Variants in HSDL2 observed in about 807,000 individuals in gnomAD.
HSDL2 encodes hydroxysteroid dehydrogenase like 2, also known as hydroxysteroid dehydrogenase-like protein 2.
A neutral mutation model predicts 46.3 loss-of-function variants in HSDL2; 27 were observed. The ratio of observed to expected loss-of-function variants is 0.58; its 90% CI spans 0.43 to 0.80. HSDL2 has a LOEUF of 0.80. HSDL2 is among the 30% of genes least tolerant of loss of function. The pLI is 0.00. For synonymous variants in HSDL2, 153 were observed against 163.6 expected (o/e 0.94, Z 0.50); for missense variants, 451 against 502.7 (o/e 0.90, Z 0.98).
rs747910175 is a variant in HSDL2, at chr9:112,380,155, A to G, written c.-9A>G. The G allele has an allele frequency of 1.3e-6, 2 of 1,570,920 alleles. No individual in the cohort carries two copies. The highest frequency in any genetic ancestry group is 1.8e-5 in the Admixed American group (1 of 54,324). On this transcript the variant is annotated 5_prime_UTR_variant, in exon 1 of 11. Transcript: ENST00000398805. The stretch of plus-strand genomic sequence containing the variant: ...CTGTCGCCGCCACCTCCTCTGATCT[A>G]CGAAAGTCATGTTACCCAACACCGG...
intron 7 of HSDL2, among the ~76,000 whole-genome samples, chr9:112,441,129 G>C (rs1350930314): frequency 6.6e-6 from 1 of 152,168 alleles, no homozygotes; most frequent in Non-Finnish European, 1.5e-5. Flanking sequence ...GAGCCCAGGA[G>C]GTGGAGGTTG....
At chr9:112,444,257 T>A (rs1280817975) in intron 8 of HSDL2, among the ~76,000 whole-genome samples, 1 of 152,244 alleles carries the variant, frequency 6.6e-6, no homozygotes, top group Non-Finnish European at 1.5e-5. Context: ...GAACCATGTG[T>A]ATCCCTTGTT....
intron 6 of HSDL2, among the ~76,000 whole-genome samples, chr9:112,431,515 A>G (rs1026949263): frequency 6.6e-6 from 1 of 152,158 alleles, no homozygotes; most frequent in Middle Eastern, 3.2e-3. Flanking sequence ...TGTTGTCTCC[A>G]CCCAAATCTC....
At chr9:112,440,381 G>A (rs982895743) in intron 7 of HSDL2, among the ~76,000 whole-genome samples, 3 of 150,922 alleles carry the variant, frequency 2.0e-5, no homozygotes, top group Non-Finnish European at 4.4e-5. Context: ...ACCAGCCTGG[G>A]CAAAACAGCA....
intron 6 of HSDL2, among the ~76,000 whole-genome samples, chr9:112,424,420 G>T (rs1250078168): frequency 6.6e-6 from 1 of 151,498 alleles, no homozygotes; most frequent in Non-Finnish European, 1.5e-5. Context: ...AAACTTTCTT[G>T]TTGAGTCTAA....
Position 112,472,025 on chromosome 9 carries a change from A to G in HSDL2, c.*1481A>G, listed in dbSNP as rs758323526. The stretch of plus-strand genomic sequence containing the variant: ...CAAGCCCTCTAACAAAAACTTTACA[A>G]TACATTTATGTTGAATGGAACTCCA... On this transcript the variant is annotated 3_prime_UTR_variant, in exon 11 of 11. Coordinates refer to ENST00000398805, the MANE Select transcript of HSDL2 (RefSeq NM_032303.5). 7 of 152,198 alleles carry G rather than the reference A, an allele frequency of 4.6e-5. No homozygotes were observed. The highest frequency in any genetic ancestry group is 1.0e-4 in the Non-Finnish European group (7 of 68,044). The allele number at this position is 152,198 out of a possible 1,614,324, so 9.4% of individuals were successfully genotyped here. A position where few individuals can be genotyped will look rare whatever the true frequency, so the allele number is the denominator to read the frequency against.
intron 1 of HSDL2, among the ~76,000 whole-genome samples, chr9:112,388,579 G>A (rs954273618): frequency 1.3e-5 from 2 of 149,774 alleles, no homozygotes; most frequent in African/African-American, 4.9e-5. Context: ...GTGAAACCCT[G>A]TCACTGCTAA....
intron 1 of HSDL2, among the ~76,000 whole-genome samples, chr9:112,383,983 G>C (rs913248727): frequency 6.6e-6 from 1 of 152,168 alleles, no homozygotes; most frequent in African/African-American, 2.4e-5. Context: ...TTACAGATGT[G>C]AGCCACTCTA....
intron 4 of HSDL2, among the ~76,000 whole-genome samples, chr9:112,415,875 G>GGTGT (rs1210126342): frequency 3.3e-5 from 5 of 152,104 alleles, no homozygotes; most frequent in Non-Finnish European, 7.4e-5. Flanking sequence ...TATCTTGGCG[G>GGTGT]AGCGTGGGTG....
At chr9:112,469,752 C>T (rs1833515435) in intron 10 of HSDL2, 2 of 149,244 alleles carry the variant, frequency 1.3e-5, no homozygotes, top group African/African-American at 4.9e-5. Context: ...CTGCCTCATA[C>T]AAGCTGTGTG....
At chr9:112,456,580 C>T (rs1024060656) in intron 9 of HSDL2, among the ~76,000 whole-genome samples, 5 of 152,152 alleles carry the variant, frequency 3.3e-5, no homozygotes, top group African/African-American at 1.2e-4. Context: ...TGGCTCAGCA[C>T]TCTCGACACT....
chr9:112,458,628 A>G (rs1005351316), intron 9 of HSDL2, among the ~76,000 whole-genome samples: 1 of 152,068 alleles, frequency 6.6e-6, no homozygotes, highest in Non-Finnish European at 1.5e-5. Flanking sequence ...TGCTCGGCCT[A>G]TTTTAACCAC....
intron 1 of HSDL2, among the ~76,000 whole-genome samples, chr9:112,390,105 A>AT (rs1831308656): frequency 3.8e-5 from 4 of 104,178 alleles, no homozygotes; most frequent in Non-Finnish European, 5.8e-5. Context: ...AATAAAGTAA[A>AT]AAATAAAATA....
chr9:112,442,098 C>CA (rs1000786764), intron 8 of HSDL2, among the ~76,000 whole-genome samples: 2 of 148,412 alleles, frequency 1.3e-5, no homozygotes, highest in African/African-American at 5.0e-5. Context: ...CCCGTCTCTA[C>CA]AAAAAAAATA....
At chr9:112,388,364 C>T (rs1401134031) in intron 1 of HSDL2, among the ~76,000 whole-genome samples, 6 of 143,116 alleles carry the variant, frequency 4.2e-5, no homozygotes, top group East Asian at 2.1e-4. Context: ...GGGAGGCTGA[C>T]GCAGGAGAAT....
In HSDL2 at chr9:112,458,748, G is replaced by A. The variant is rs558412775; in HGVS notation, c.1016-701G>A. 1.8e-3 allele frequency among the ~76,000 whole-genome samples: 267 copies of A among 151,916 alleles called. 2 individuals carry two copies. Among genetic ancestry groups the A allele is most frequent in the African/African-American group, 6.3e-3 (260 of 41,462 alleles). On this transcript the variant is annotated intron_variant, in intron 9 of 10. Transcript: ENST00000398805. ...TGTAATCCCAGCACTTTGGGAGGCC[G>A]AGGTGGGCAGATCACGAGGTCAGGA... is the stretch of plus-strand genomic sequence containing the variant.
At chr9:112,399,563 A>G (rs1263524728) in intron 1 of HSDL2, among the ~76,000 whole-genome samples, 1 of 152,150 alleles carries the variant, frequency 6.6e-6, no homozygotes, top group Non-Finnish European at 1.5e-5. Flanking sequence ...AGGAGACCAG[A>G]GCGTATCTCA....
intron 10 of HSDL2, among the ~76,000 whole-genome samples, chr9:112,467,356 G>A (rs755405813): frequency 7.9e-5 from 12 of 152,026 alleles, no homozygotes; most frequent in Non-Finnish European, 1.8e-4. Flanking sequence ...TCTAGAATAG[G>A]TGCATCCATA....
intron 4 of HSDL2, among the ~76,000 whole-genome samples, chr9:112,410,545 C>T (rs995674180): frequency 1.3e-5 from 2 of 152,196 alleles, no homozygotes; most frequent in Non-Finnish European, 2.9e-5. Context: ...CTGAATTTTT[C>T]CCTCAGGTAT....
Sources: allele counts gnomAD v4.1 joint callset (sites outside exome capture counted in the v4.1 genomes callset), GRCh38; gene constraint gnomAD v4.1.1; transcripts MANE v1.5; gene names NCBI Gene and HGNC (gene_info 2026-07-23, HGNC 2026-07-21).